The following SPTSSB variants were observed in gnomAD, a reference collection of about 807,000 sequenced individuals.
The protein encoded by SPTSSB is serine palmitoyltransferase small subunit B, also known as androgen down regulated in mouse prostate.
In SPTSSB, 6 loss-of-function variants were observed where a neutral mutation model predicts 7.7. The observed-to-expected ratio is 0.78, with a 90% CI of 0.43 to 1.54. The LOEUF (loss-of-function observed/expected upper bound fraction) is 1.54, where lower values mean the gene tolerates loss of function less well. SPTSSB is among the 40% of genes most tolerant of loss of function. SPTSSB has a pLI of 0.01. For synonymous variants in SPTSSB, 28 were observed against 29.7 expected (o/e 0.94, Z 0.19); for missense variants, 91 against 93.0 (o/e 0.98, Z 0.09).
At chr3:161,364,268 GT>G (rs1198526881) in intron 1 of SPTSSB, among the ~76,000 whole-genome samples, 1 of 152,158 alleles carries the variant, frequency 6.6e-6, no homozygotes, top group Non-Finnish European at 1.5e-5. Flanking sequence ...GCCTGGGCAT[GT>G]GTGCTAGGCA....
At chr3:161,363,955 T>C (rs1325214689) in intron 1 of SPTSSB, among the ~76,000 whole-genome samples, 1 of 121,290 alleles carries the variant, frequency 8.2e-6, no homozygotes, top group African/African-American at 3.4e-5. Flanking sequence ...GATGTATAGA[T>C]GGTACATGAA....
At chr3:161,367,163 G>A (rs1029281928) in intron 1 of SPTSSB, among the ~76,000 whole-genome samples, 2 of 152,132 alleles carry the variant, frequency 1.3e-5, no homozygotes, top group Non-Finnish European at 2.9e-5. Context: ...GGCAAAAAGA[G>A]TGAAACTCTG....
chr3:161,365,175 CA>C (rs1415094997), intron 1 of SPTSSB, among the ~76,000 whole-genome samples: 1 of 152,206 alleles, frequency 6.6e-6, no homozygotes, highest in Admixed American at 6.5e-5. Flanking sequence ...TTACTTTATG[CA>C]GCTCACTTAA....
At chr3:161,358,362 G>T (rs973430561) in intron 2 of SPTSSB, among the ~76,000 whole-genome samples, 12 of 152,114 alleles carry the variant, frequency 7.9e-5, no homozygotes, top group African/African-American at 2.9e-4. Flanking sequence ...CTCTGGTCCT[G>T]TCTGGGTTTG....
chr3:161,357,030 A>G (rs898840713), intron 2 of SPTSSB, among the ~76,000 whole-genome samples: 9 of 152,126 alleles, frequency 5.9e-5, no homozygotes, highest in African/African-American at 2.2e-4. Context: ...AGAGTGGAGA[A>G]CTAGGCGGAT....
chr3:161,371,191 C>A (rs1244082505), intron 1 of SPTSSB, among the ~76,000 whole-genome samples: 2 of 152,112 alleles, frequency 1.3e-5, no homozygotes, highest in East Asian at 3.8e-4. Flanking sequence ...GAAATTTTCT[C>A]TTCTTTTAGT....
chr3:161,346,232 C>A lies in SPTSSB; in HGVS notation c.92G>T (p.Arg31Leu). 1.2e-6 allele frequency: 2 copies of A among 1,613,536 alleles called. No individual in the cohort carries two copies. The highest frequency in any genetic ancestry group is 1.7e-6 in the Non-Finnish European group (2 of 1,179,544). The change falls in exon 3 of 3, where the codon CGA (arginine) becomes CTA (leucine). Residue 31 changes from arginine (R) to leucine (L), a missense_variant. Arg to Leu is a moderately radical substitution (Grantham distance 102, BLOSUM62 -2). Coordinates refer to ENST00000620149, the MANE Select transcript of SPTSSB (RefSeq NM_001040100.2). ...TAGTAAGATGGTGTTAAACATAGATCGCTCCCAGGGCTCTAAAACAGCACA... is the reference window on the plus strand; with the variant it reads ...TAGTAAGATGGTGTTAAACATAGATAGCTCCCAGGGCTCTAAAACAGCACA... The part of the protein sequence containing the change: ...SCCAVLEPWE[R>L]SMFNTILLTI...
chr3:161,370,262 A>G (rs573853763), intron 1 of SPTSSB, among the ~76,000 whole-genome samples: 2 of 152,372 alleles, frequency 1.3e-5, no homozygotes, highest in East Asian at 1.9e-4. Flanking sequence ...ATCGACTTTC[A>G]ACTTCAAATC....
chr3:161,367,668 AGCAGAT>A (rs1210708618), intron 1 of SPTSSB, among the ~76,000 whole-genome samples: 1 of 152,264 alleles, frequency 6.6e-6, no homozygotes, highest in Non-Finnish European at 1.5e-5. Context: ...TCGTAATCAC[AGCAGAT>A]GCTTTCTGAC....
At chr3:161,368,063 A>C (rs1576903904) in intron 1 of SPTSSB, among the ~76,000 whole-genome samples, 1 of 152,258 alleles carries the variant, frequency 6.6e-6, no homozygotes, top group East Asian at 1.9e-4. Flanking sequence ...TTGGGCAGGC[A>C]TGTAAACATA....
chr3:161,363,233 G>A (rs1003522868), intron 1 of SPTSSB, among the ~76,000 whole-genome samples: 1 of 151,508 alleles, frequency 6.6e-6, no homozygotes, highest in Non-Finnish European at 1.5e-5. Context: ...GAGAGATAAG[G>A]TTCTATGTTA....
intron 2 of SPTSSB, 120 bp from the exon 3 acceptor site, chr3:161,346,475 T>C (rs896092821): frequency 1.3e-5 from 7 of 528,874 alleles, no homozygotes; most frequent in African/African-American, 3.8e-5. Flanking sequence ...GAATATATTA[T>C]TAATATATGA....
intron 2 of SPTSSB, chr3:161,359,601 G>T: frequency 4.0e-6 from 2 of 496,692 alleles, no homozygotes; most frequent in Non-Finnish European, 5.2e-6. Context: ...ATATCCGTAA[G>T]TTGAGACCTC....
intron 1 of SPTSSB, among the ~76,000 whole-genome samples, chr3:161,367,589 A>C (rs1016081776): frequency 1.3e-5 from 2 of 152,206 alleles, no homozygotes; most frequent in Non-Finnish European, 2.9e-5. Flanking sequence ...GCTTGTGGGA[A>C]CTCAAAACAT....
chr3:161,356,842 A>G (rs763374337), intron 2 of SPTSSB, among the ~76,000 whole-genome samples: 2 of 151,986 alleles, frequency 1.3e-5, no homozygotes, highest in Non-Finnish European at 2.9e-5. Flanking sequence ...TACAGAAAAG[A>G]GTGGAGGCTG....
intron 2 of SPTSSB, among the ~76,000 whole-genome samples, chr3:161,351,432 C>T (rs767650748): frequency 6.6e-6 from 1 of 152,176 alleles, no homozygotes; most frequent in African/African-American, 2.4e-5. Flanking sequence ...GTGAACTTTG[C>T]TGAAGCTTTA....
At chr3:161,347,137 C>T (rs977640254) in intron 2 of SPTSSB, among the ~76,000 whole-genome samples, 1 of 152,126 alleles carries the variant, frequency 6.6e-6, no homozygotes, top group African/African-American at 2.4e-5. Context: ...ATTACTGTTT[C>T]AGAATCAACA....
intron 1 of SPTSSB, among the ~76,000 whole-genome samples, chr3:161,369,019 A>G (rs1475386678): frequency 1.3e-5 from 2 of 152,232 alleles, no homozygotes; most frequent in African/African-American, 2.4e-5. Context: ...TAATGCCACT[A>G]TGAACATTTG....
intron 1 of SPTSSB, among the ~76,000 whole-genome samples, chr3:161,367,659 C>T (rs1030164009): frequency 3.3e-5 from 5 of 152,316 alleles, no homozygotes; most frequent in African/African-American, 1.2e-4. Flanking sequence ...TTGAGGTTGT[C>T]GTAATCACAG....
Sources: gnomAD v4.1 joint callset for allele counts (sites outside exome capture counted in the v4.1 genomes callset) on GRCh38, gnomAD v4.1.1 for gene constraint, MANE v1.5 for transcripts, NCBI Gene and HGNC (gene_info 2026-07-23, HGNC 2026-07-21) for gene names.